The following KRT7 variants were observed in gnomAD, a reference collection of about 807,000 sequenced individuals.
KRT7 encodes keratin 7.
KRT7 carries 50 observed loss-of-function variants against 42.8 expected under a neutral mutation model. The observed-to-expected ratio is 1.17, with a 90% CI of 0.93 to 1.48. KRT7 has a LOEUF of 1.48. Ranked by LOEUF, KRT7 falls within the 40% of genes most tolerant of loss-of-function variation. KRT7 has a pLI of 0.00. For missense variants in KRT7, 588 were observed against 637.6 expected (o/e 0.92, Z 0.84); for synonymous variants, 268 against 266.3 (o/e 1.01, Z -0.06).
At chr12:52,250,557 G>C, downstream of KRT7, 1 of 1,239,246 alleles carries the variant, frequency 8.1e-7, no homozygotes, top group Non-Finnish European at 1.1e-6. Context: ...GCTGCAGGGG[G>C]CACTGCAGAC....
At chr12:52,243,762 C>G (rs1942129171) in intron 6 of KRT7, among the ~76,000 whole-genome samples, 1 of 152,268 alleles carries the variant, frequency 6.6e-6, no homozygotes, top group African/African-American at 2.4e-5. Context: ...ACCAGCCCCT[C>G]TATCGGCAGC....
intron 4 of KRT7, 101 bp downstream of exon 4, chr12:52,238,876 C>T: frequency 1.3e-6 from 1 of 750,134 alleles, no homozygotes; most frequent in Non-Finnish European, 2.4e-6. Flanking sequence ...AGATATGTGT[C>T]AGTGTGAGAA....
chr12:52,242,957 T>A, intron 5 of KRT7, 55 bp from the exon 6 acceptor site: 1 of 1,536,754 alleles, frequency 6.5e-7, no homozygotes, highest in Non-Finnish European at 8.8e-7. Flanking sequence ...GAGGGATGAG[T>A]TACCTGTACT....
At chr12:52,238,870 A>G in intron 4 of KRT7, 95 bp downstream of exon 4, 1 of 790,310 alleles carries the variant, frequency 1.3e-6, no homozygotes. Context: ...CAGTCCAGAT[A>G]TGTGTCAGTG....
intron 6 of KRT7, chr12:52,243,561 C>T (rs1157998276): frequency 6.2e-6 from 1 of 161,200 alleles, no homozygotes; most frequent in African/African-American, 2.4e-5. Flanking sequence ...CACGATTCCC[C>T]TCACTCTGCT....
intron 6 of KRT7, 92 bp downstream of exon 6, chr12:52,243,229 C>A: frequency 7.0e-7 from 1 of 1,437,878 alleles, no homozygotes; most frequent in Non-Finnish European, 9.4e-7. Flanking sequence ...AGGAGGTTCC[C>A]ATCTCCCGGC....
At chr12:52,251,714 A>G (rs938496406), downstream of KRT7, 10 of 335,830 alleles carry the variant, frequency 3.0e-5, no homozygotes, top group Admixed American at 3.5e-4. Context: ...CTTATGTGGT[A>G]CATGACTGTA....
chr12:52,241,602 G>A lies in KRT7; in HGVS notation c.824G>A (p.Ser275Asn), dbSNP rs1444484535. 2 of 1,612,876 alleles carry A rather than the reference G, an allele frequency of 1.2e-6. No individual in the cohort carries two copies. Among genetic ancestry groups the A allele is most frequent in the Non-Finnish European group, 1.7e-6 (2 of 1,179,256 alleles). ...KAQYEEMAKC[S>N]RAEAEAWYQT... ...CAGTATGAGGAGATGGCCAAATGCA[G>A]CCGGGCTGAGGCTGAAGCCTGGTAC... The change falls in exon 5 of 9, where the codon AGC becomes AAC. Residue 275 changes from serine (S) to asparagine (N), a missense_variant. By Grantham distance (46) the Ser-to-Asn change is conservative (BLOSUM62 1). Coordinates refer to ENST00000331817, the MANE Select transcript of KRT7 (RefSeq NM_005556.4).
chr12:52,241,231 CTTATCCCCTTTAA>C (rs1942083623), intron 4 of KRT7, among the ~76,000 whole-genome samples: 1 of 152,182 alleles, frequency 6.6e-6, no homozygotes, highest in Admixed American at 6.5e-5. Context: ...TGTCCCTTTC[CTTATCCCCTTTAA>C]CCCTGCCAGA....
downstream of KRT7, chr12:52,255,497 C>G: frequency 2.2e-6 from 1 of 450,060 alleles, no homozygotes; most frequent in Non-Finnish European, 4.5e-6. Flanking sequence ...GGAACTGGAT[C>G]TTTTGGAGGT....
downstream of KRT7, chr12:52,252,299 C>A: frequency 6.2e-7 from 1 of 1,613,996 alleles, no homozygotes; most frequent in Non-Finnish European, 8.5e-7. Flanking sequence ...CTGTAGGTGG[C>A]GATCTCAAAG....
At chr12:52,253,801 C>G, downstream of KRT7, 1 of 623,502 alleles carries the variant, frequency 1.6e-6, no homozygotes, top group South Asian at 1.4e-5. Flanking sequence ...GCTTCTTAGA[C>G]CAGAGCCCTA....
chr12:52,253,097 C>T (rs774184633), downstream of KRT7: 92 of 959,872 alleles, frequency 9.6e-5, no homozygotes, highest in Non-Finnish European at 1.5e-4. Context: ...TGTCTGTCCT[C>T]ATGCTGGGTG....
chr12:52,237,443 A>G (rs879443797), intron 2 of KRT7, 66 bp from the exon 3 acceptor site: 12 of 1,180,336 alleles, frequency 1.0e-5, no homozygotes, highest in Admixed American at 3.8e-5. Flanking sequence ...ACAGCTGCAT[A>G]TGGCGGAGGG....
downstream of KRT7, chr12:52,250,600 A>C: frequency 1.7e-6 from 2 of 1,208,448 alleles, no homozygotes; most frequent in Non-Finnish European, 2.3e-6. Flanking sequence ...CCCGACACGC[A>C]CAGGTCCCCG....
Position 52,241,492 on chromosome 12 carries a change from C to T in KRT7, c.714C>T (p.Ser238=). The T allele has an allele frequency of 6.2e-7, 1 of 1,612,692 alleles. No homozygotes were observed. The highest frequency in any genetic ancestry group is 1.7e-4 in the Middle Eastern group (1 of 6,052). Residue 238 remains serine, a synonymous_variant, in exon 5 of 9, where the codon TCC becomes TCT. Coordinates refer to ENST00000331817, the MANE Select transcript of KRT7 (RefSeq NM_005556.4). The stretch of plus-strand genomic sequence containing the variant: ...TACAGGAGTTGACAGAGCTGCAGTC[C>T]CAGATCTCCGACACATCTGTGGTGC... ...LNETELTELQ[S]QISDTSVVLS...
chr12:52,254,544 C>T (rs1237329337), downstream of KRT7, among the ~76,000 whole-genome samples: 2 of 152,108 alleles, frequency 1.3e-5, no homozygotes, highest in Admixed American at 6.5e-5. Context: ...TTAGTAGTGG[C>T]GTCAAGAGCA....
downstream of KRT7, chr12:52,254,266 C>G (rs755060444): frequency 1.1e-6 from 1 of 923,234 alleles, no homozygotes; most frequent in Non-Finnish European, 1.7e-6. Flanking sequence ...TGTGACCCCG[C>G]ACCTCCTCAT....
In KRT7 at chr12:52,235,306, G is replaced by T. The variant is rs1056043991; in HGVS notation, c.476G>T (p.Gly159Val). The change falls in exon 2 of 9, where the codon GGG becomes GTG. Residue 159 changes from glycine (G) to valine (V), a missense_variant. Gly to Val is a moderately radical substitution (Grantham distance 109). Transcript: ENST00000331817. ...CAGCTTGAGGCACTGCAGGTGGATGGGGGCCGCCTGGAGGCGGAGCTGCGG... is the reference window on the plus strand; with the variant it reads ...CAGCTTGAGGCACTGCAGGTGGATGTGGGCCGCCTGGAGGCGGAGCTGCGG... Reference protein sequence around the residue: ...RGQLEALQVDGGRLEAELRSM... With the variant: ...RGQLEALQVDVGRLEAELRSM... 8 of 1,613,990 alleles carry T rather than the reference G, an allele frequency of 5.0e-6. No individual in the cohort carries two copies. Among genetic ancestry groups the T allele is most frequent in the Non-Finnish European group, 5.1e-6 (6 of 1,179,976 alleles).
Sources: gnomAD v4.1 joint callset for allele counts (sites outside exome capture counted in the v4.1 genomes callset) on GRCh38, gnomAD v4.1.1 for gene constraint, MANE v1.5 for transcripts, NCBI Gene and HGNC (gene_info 2026-07-23, HGNC 2026-07-21) for gene names.